Variants in DYSF observed in about 807,000 individuals in gnomAD.
DYSF encodes dysferlin, also known as dystrophy-associated fer-1-like 1.
DYSF carries 212 observed loss-of-function variants against 274.9 expected under a neutral mutation model. The ratio of observed to expected loss-of-function variants is 0.77; its 90% CI spans 0.69 to 0.86. DYSF has a LOEUF of 0.86. Among genes scored for constraint, DYSF ranks in the 40% least tolerant of loss-of-function variants. The pLI is 0.00. For synonymous variants in DYSF, 1,091 were observed against 1,078.7 expected (o/e 1.01, Z -0.22); for missense variants, 2,666 against 2,783.2 (o/e 0.96, Z 0.95).
chr2:71,507,116 G>A (rs2085562026), intron 4 of DYSF, among the ~76,000 whole-genome samples: 1 of 152,184 alleles, frequency 6.6e-6, no homozygotes, highest in Non-Finnish European at 1.5e-5. Flanking sequence ...CCCCAGTGCT[G>A]AGGAGCTGGC....
chr2:71,529,564 T>A (rs1277140503), intron 14 of DYSF, among the ~76,000 whole-genome samples: 1 of 152,264 alleles, frequency 6.6e-6, no homozygotes, highest in Admixed American at 6.5e-5. Flanking sequence ...AGAGCCATAA[T>A]GTCAGGTTGT....
intron 30 of DYSF, among the ~76,000 whole-genome samples, chr2:71,582,546 C>T (rs2092930846): frequency 6.6e-6 from 1 of 152,150 alleles, no homozygotes; most frequent in Non-Finnish European, 1.5e-5. Flanking sequence ...ACTACATCAT[C>T]ATGTTGGCAT....
intron 16 of DYSF, among the ~76,000 whole-genome samples, chr2:71,536,623 G>T (rs776049247): frequency 6.6e-6 from 1 of 152,226 alleles, no homozygotes; most frequent in Non-Finnish European, 1.5e-5. Context: ...GCCCGAGTCC[G>T]GGTGAGCTGT....
rs1431759465 is a variant in DYSF, at chr2:71,644,095, T to A, written c.4626+32T>A. 3.2e-6 allele frequency: 5 copies of A among 1,561,762 alleles called. No homozygotes were observed. The Admixed American group carries it at 8.8e-5, about 27-fold the overall frequency. ...CCTCTCTTCAGTCTGACAGTCGGTG[T>A]GTGTGTGCGTACTGGGCAGTGGGAG... On this transcript the variant is annotated intron_variant, in intron 42 of 55. Transcript: ENST00000410020.
At chr2:71,537,048 CCCT>C (rs2089415691) in intron 16 of DYSF, among the ~76,000 whole-genome samples, 1 of 152,114 alleles carries the variant, frequency 6.6e-6, no homozygotes, top group East Asian at 1.9e-4. Flanking sequence ...CACTCTCCTT[CCCT>C]CCTCTCCCAA....
chr2:71,480,982 T>C (rs573027285), intron 2 of DYSF, 44 bp downstream of exon 2: 1 of 1,580,734 alleles, frequency 6.3e-7, no homozygotes, highest in South Asian at 1.1e-5. Context: ...TCTGCTGCAG[T>C]TGTGTCTGCA....
At chr2:71,485,512 C>T (rs2083289800) in intron 3 of DYSF, among the ~76,000 whole-genome samples, 1 of 152,196 alleles carries the variant, frequency 6.6e-6, no homozygotes, top group Admixed American at 6.5e-5. Context: ...GCCAAGATCA[C>T]TGGCTTTGTG....
intron 40 of DYSF, among the ~76,000 whole-genome samples, chr2:71,619,034 C>G (rs1297634262): frequency 2.6e-5 from 4 of 151,970 alleles, no homozygotes. Context: ...ATGCCCGAGT[C>G]CCAAAGGGGA....
intron 51 of DYSF, among the ~76,000 whole-genome samples, chr2:71,672,093 G>A (rs926948195): frequency 6.6e-6 from 1 of 152,280 alleles, no homozygotes; most frequent in South Asian, 2.1e-4. Context: ...AAGGAGGGGC[G>A]GAGAAGGTCA....
chr2:71,590,166 C>T (rs369915343), intron 31 of DYSF, 45 bp from the exon 32 acceptor site: 468 of 1,605,948 alleles, frequency 2.9e-4, no homozygotes, highest in Non-Finnish European at 3.8e-4. Context: ...CTCTTAACCA[C>T]TCCAGCCACT....
At chr2:71,522,276 T>G (rs759552716) in intron 12 of DYSF, among the ~76,000 whole-genome samples, 73 of 151,990 alleles carry the variant, frequency 4.8e-4, no homozygotes, top group Non-Finnish European at 9.4e-4. Flanking sequence ...CATCCCCCTT[T>G]TTCCACTCCA....
intron 16 of DYSF, among the ~76,000 whole-genome samples, chr2:71,538,919 C>A (rs1392208372): frequency 6.6e-6 from 1 of 152,184 alleles, no homozygotes; most frequent in East Asian, 1.9e-4. Context: ...TGATGGGATG[C>A]TGGTGGTTGG....
chr2:71,545,470 T>A (rs1200219817), intron 17 of DYSF, among the ~76,000 whole-genome samples: 2 of 152,130 alleles, frequency 1.3e-5, no homozygotes, highest in East Asian at 3.9e-4. Context: ...AACAATCTGT[T>A]CCGGGATGTG....
chr2:71,636,826 A>G (rs1288409505), intron 41 of DYSF, among the ~76,000 whole-genome samples: 6 of 152,140 alleles, frequency 3.9e-5, no homozygotes, highest in Non-Finnish European at 8.8e-5. Context: ...GGGTGACAAG[A>G]AGGAGGCAGC....
chr2:71,498,603 A>G (rs2084655610), intron 3 of DYSF, among the ~76,000 whole-genome samples: 1 of 152,236 alleles, frequency 6.6e-6, no homozygotes, highest in South Asian at 2.1e-4. Flanking sequence ...CTGAGTCATA[A>G]TTCCTAAGCT....
rs190585389 is a variant in DYSF at position 71,590,324 on chromosome 2, G to C, written c.3574+36G>C. The C allele has an allele frequency of 2.2e-4, 349 of 1,610,488 alleles. 1 individual carries two copies. The African/African-American group carries it at 4.2e-3, about 19-fold the overall frequency. ...GAGAGGCAGGAGAGTCAGAGACTGT[G>C]GGCTGAGATCTGGGAATGGAGACAT... On this transcript the variant is annotated intron_variant, in intron 32 of 55. Coordinates refer to ENST00000410020, the MANE Select transcript of DYSF (RefSeq NM_001130987.2).
chr2:71,606,664 G>C (rs1051423648), intron 36 of DYSF, among the ~76,000 whole-genome samples: 2 of 152,156 alleles, frequency 1.3e-5, no homozygotes, highest in Non-Finnish European at 2.9e-5. Flanking sequence ...ATAGGAATGG[G>C]GTATGTGGGG....
At chr2:71,576,435 C>T (rs2092701550) in intron 30 of DYSF, 1 of 152,966 alleles carries the variant, frequency 6.5e-6, no homozygotes, top group Admixed American at 6.5e-5. Context: ...GTGTAGAGAT[C>T]CAGGAGAGGT....
chr2:71,580,755 G>A (rs999754694), intron 30 of DYSF, among the ~76,000 whole-genome samples: 15 of 152,212 alleles, frequency 9.9e-5, no homozygotes, highest in African/African-American at 2.2e-4. Flanking sequence ...CAGAGGCCTC[G>A]CTGCTCTTCC....
Sources: allele counts gnomAD v4.1 joint callset (sites outside exome capture counted in the v4.1 genomes callset), GRCh38; gene constraint gnomAD v4.1.1; transcripts MANE v1.5; gene names NCBI Gene and HGNC (gene_info 2026-07-23, HGNC 2026-07-21).